The following WWOX variants were observed in gnomAD, a reference collection of about 807,000 sequenced individuals.
The protein encoded by WWOX is WW domain containing oxidoreductase.
Under a neutral mutation model 46.2 loss-of-function variants are expected in WWOX, and 69 were observed. The ratio of observed to expected loss-of-function variants is 1.49; its 90% CI spans 1.23 to 1.82. The LOEUF (loss-of-function observed/expected upper bound fraction) is 1.82, where lower values mean the gene tolerates loss of function less well. WWOX is among the 40% of genes most tolerant of loss of function. WWOX has a pLI of 0.00. For missense variants in WWOX, 919 were observed against 542.6 expected (o/e 1.69, Z -6.89); for synonymous variants, 359 against 202.6 (o/e 1.77, Z -6.56).
chr16:78,550,644 G>C (rs1449603838), intron 8 of WWOX: 1 of 152,056 alleles, frequency 6.6e-6, no homozygotes, highest in South Asian at 2.1e-4. Context: ...CTTGCTTTGG[G>C]AGTTCTTGTT....
At chr16:79,187,364 G>A (rs977751587) in intron 8 of WWOX, among the ~76,000 whole-genome samples, 2 of 152,102 alleles carry the variant, frequency 1.3e-5, no homozygotes, top group Admixed American at 6.5e-5. Context: ...ATGCCCCTAC[G>A]AACCAGGTAC....
chr16:78,527,191 G>A (rs530286327), intron 8 of WWOX, among the ~76,000 whole-genome samples: 1 of 152,002 alleles, frequency 6.6e-6, no homozygotes, highest in East Asian at 1.9e-4. Flanking sequence ...GGAATGAACA[G>A]ATGAACAACC....
At chr16:78,478,493 C>G (rs2084407206) in intron 8 of WWOX, among the ~76,000 whole-genome samples, 1 of 152,270 alleles carries the variant, frequency 6.6e-6, no homozygotes, top group Middle Eastern at 3.4e-3. Context: ...TTCCACAAAA[C>G]AGGGCCAGGT....
intron 8 of WWOX, among the ~76,000 whole-genome samples, chr16:79,041,733 A>G (rs1441608078): frequency 6.6e-6 from 1 of 152,152 alleles, no homozygotes; most frequent in Non-Finnish European, 1.5e-5. Flanking sequence ...TGGACCTTTC[A>G]TGGAATCCAG....
intron 8 of WWOX, among the ~76,000 whole-genome samples, chr16:78,997,854 C>G (rs112735429): frequency 6.6e-6 from 1 of 152,112 alleles, no homozygotes. Flanking sequence ...GAATGTTTTG[C>G]AGCCTAATGT....
chr16:78,659,503 C>T (rs1436508075), intron 8 of WWOX, among the ~76,000 whole-genome samples: 1 of 151,972 alleles, frequency 6.6e-6, no homozygotes, highest in African/African-American at 2.4e-5. Context: ...TTCTGTGGTG[C>T]CTAAAGTTTG....
At chr16:78,876,637 A>G in intron 8 of WWOX, among the ~76,000 whole-genome samples, 1 of 151,998 alleles carries the variant, frequency 6.6e-6, no homozygotes, top group Non-Finnish European at 1.5e-5. Context: ...TTCTCTAGAG[A>G]TCTCTAAAAG....
intron 8 of WWOX, among the ~76,000 whole-genome samples, chr16:78,681,643 C>A (rs148629276): frequency 6.6e-6 from 1 of 152,146 alleles, no homozygotes; most frequent in Non-Finnish European, 1.5e-5. Context: ...AGAGTTCCTG[C>A]TCCTGATCTC....
intron 5 of WWOX, among the ~76,000 whole-genome samples, chr16:78,362,859 G>A (rs2081440632): frequency 6.6e-6 from 1 of 152,144 alleles, no homozygotes; most frequent in African/African-American, 2.4e-5. Flanking sequence ...CAAAGATGAG[G>A]GAAGTGAGTT....
At chr16:78,630,502 C>A (rs753102781) in intron 8 of WWOX, among the ~76,000 whole-genome samples, 1 of 152,132 alleles carries the variant, frequency 6.6e-6, no homozygotes, top group African/African-American at 2.4e-5. Flanking sequence ...GACACTGAGT[C>A]CCTAATACAT....
At chr16:78,358,197 A>C (rs12926391) in intron 5 of WWOX, among the ~76,000 whole-genome samples, 1 of 151,972 alleles carries the variant, frequency 6.6e-6, no homozygotes, top group South Asian at 2.1e-4. Flanking sequence ...TCCTATCGAA[A>C]GATAACCTCT....
At chr16:78,507,991 TGC>T (rs2085257362) in intron 8 of WWOX, among the ~76,000 whole-genome samples, 5 of 26,160 alleles carry the variant, frequency 1.9e-4, no homozygotes, top group Non-Finnish European at 7.6e-4. Flanking sequence ...GATTTTTGGT[TGC>T]GTGCGTGTGT....
chr16:78,917,307 G>T (rs2045274806), intron 8 of WWOX, among the ~76,000 whole-genome samples: 1 of 152,174 alleles, frequency 6.6e-6, no homozygotes, highest in African/African-American at 2.4e-5. Flanking sequence ...GTTATCAAAA[G>T]AAGAGAGGGA....
chr16:78,456,555 A>G (rs1307078773), intron 8 of WWOX, among the ~76,000 whole-genome samples: 1 of 152,220 alleles, frequency 6.6e-6, no homozygotes, highest in Non-Finnish European at 1.5e-5. Context: ...ATATAGAACA[A>G]TATTTTAACA....
At chr16:78,543,971 C>A (rs17721176) in intron 8 of WWOX, among the ~76,000 whole-genome samples, 13,067 of 152,142 alleles carry the variant, frequency 0.086, 780 homozygotes, top group South Asian at 0.21. Context: ...GATTAGAATA[C>A]TGTGATTAAA....
At chr16:78,917,117 T>G (rs1261259088) in intron 8 of WWOX, among the ~76,000 whole-genome samples, 1 of 152,204 alleles carries the variant, frequency 6.6e-6, no homozygotes, top group African/African-American at 2.4e-5. Flanking sequence ...TTCCTGGAAT[T>G]TAGTCTGACG....
At chr16:78,420,478 A>G (rs76066405) in intron 6 of WWOX, among the ~76,000 whole-genome samples, 3,328 of 152,212 alleles carry the variant, frequency 0.022, 40 homozygotes, top group Non-Finnish European at 0.028. Flanking sequence ...ACATGGATGA[A>G]CCCTGCAAAC....
At chr16:78,352,567 T>C (rs1035936954) in intron 5 of WWOX, among the ~76,000 whole-genome samples, 4 of 152,318 alleles carry the variant, frequency 2.6e-5, no homozygotes, top group South Asian at 2.1e-4. Flanking sequence ...GCTTCTGCTT[T>C]TAAGGAACCT....
Position 79,117,712 on chromosome 16 carries a change from C to A in WWOX, c.1057-93896C>A, listed in dbSNP as rs150962075. Among the ~76,000 whole-genome samples, 677 of 152,356 alleles carry A rather than the reference C, an allele frequency of 4.4e-3. 6 individuals are homozygous for A. Among genetic ancestry groups the A allele is most frequent in the African/African-American group, 0.016 (647 of 41,588 alleles). ...TCTTCTGGAAAACTTGCTGCAGCTT[C>A]TGCATCAGCACTTGCTGCTTCATGT... On this transcript the variant is annotated intron_variant, in intron 8 of 8. Transcript: ENST00000566780.
Sources: allele counts gnomAD v4.1 joint callset (sites outside exome capture counted in the v4.1 genomes callset), GRCh38; gene constraint gnomAD v4.1.1; transcripts MANE v1.5; gene names NCBI Gene and HGNC (gene_info 2026-07-23, HGNC 2026-07-21).